HPSE2: variants seen among roughly 807,000 people sequenced by gnomAD.
HPSE2 encodes inactive heparanase-2.
Under a neutral mutation model 60.5 loss-of-function variants are expected in HPSE2, and 38 were observed. The observed-to-expected ratio is 0.63, with a 90% CI of 0.48 to 0.82. The LOEUF (loss-of-function observed/expected upper bound fraction) is 0.82. Ranked by LOEUF, HPSE2 falls within the 40% of genes least tolerant of loss-of-function variation. The pLI is 0.00. For synonymous variants in HPSE2, 295 were observed against 293.2 expected (o/e 1.01, Z -0.06); for missense variants, 713 against 740.4 (o/e 0.96, Z 0.43).
At chr10:98,629,545 G>A (rs747909506) in intron 7 of HPSE2, among the ~76,000 whole-genome samples, 42 of 152,284 alleles carry the variant, frequency 2.8e-4, no homozygotes, top group African/African-American at 9.6e-4. Flanking sequence ...CATTAGAGCA[G>A]AGGATATTGA....
At chr10:98,682,429 C>T (rs7071444) in intron 6 of HPSE2, among the ~76,000 whole-genome samples, 294 of 152,258 alleles carry the variant, frequency 1.9e-3, no homozygotes, top group African/African-American at 6.6e-3. Context: ...AAACACACAA[C>T]CAAACATCAT....
chr10:98,993,756 C>T (rs943082833), intron 3 of HPSE2, among the ~76,000 whole-genome samples: 4 of 152,122 alleles, frequency 2.6e-5, no homozygotes, highest in South Asian at 2.1e-4. Flanking sequence ...CACTTCCAAT[C>T]TGTATAAATT....
At chr10:99,136,644 T>G (rs1315726903) in intron 3 of HPSE2, among the ~76,000 whole-genome samples, 2 of 152,106 alleles carry the variant, frequency 1.3e-5, no homozygotes, top group Non-Finnish European at 2.9e-5. Flanking sequence ...AAAAACCACA[T>G]GATTATCTCA....
intron 3 of HPSE2, among the ~76,000 whole-genome samples, chr10:98,940,887 A>G (rs76930505): frequency 0.95 from 112,887 of 119,312 alleles, 53,362 homozygotes; most frequent in Admixed American, 0.96. Flanking sequence ...TATCCACCAT[A>G]ATCAAGTGGG....
intron 9 of HPSE2, among the ~76,000 whole-genome samples, chr10:98,529,753 T>C (rs978544787): frequency 1.3e-5 from 2 of 152,186 alleles, no homozygotes; most frequent in Admixed American, 1.3e-4. Context: ...CCACCAAATC[T>C]ATGCATGATT....
chr10:98,990,841 C>T (rs546762539), intron 3 of HPSE2, among the ~76,000 whole-genome samples: 2 of 152,160 alleles, frequency 1.3e-5, no homozygotes, highest in Non-Finnish European at 2.9e-5. Context: ...CTCCATTCTT[C>T]TGCAATCATT....
At position 98,911,512 on chromosome 10, in the gene HPSE2, G is replaced by GT. The variant is rs543292896; in HGVS notation, c.611-167457dup. On this transcript the variant is annotated intron_variant, in intron 3 of 11. Transcript: ENST00000370552. Reference sequence around the variant, plus strand: ...AGGGCAGGTATGGAGTGTGTTCTAGGTAACTGAAATAGCACAGAGACATTA... The same window carrying GT: ...AGGGCAGGTATGGAGTGTGTTCTAGGTTAACTGAAATAGCACAGAGACATTA... Among the ~76,000 whole-genome samples the GT allele has an allele frequency of 1.9e-3, 285 of 152,236 alleles. 1 individual carries two copies. The highest frequency in any genetic ancestry group is 3.9e-3 in the Admixed American group (59 of 15,294).
intron 9 of HPSE2, among the ~76,000 whole-genome samples, chr10:98,587,497 C>G (rs1213928834): frequency 1.3e-5 from 2 of 152,190 alleles, no homozygotes; most frequent in African/African-American, 2.4e-5. Flanking sequence ...AGAGGCAAGA[C>G]ACTTAGGGCC....
At chr10:99,156,764 G>C (rs1408903499) in intron 2 of HPSE2, among the ~76,000 whole-genome samples, 2 of 127,012 alleles carry the variant, frequency 1.6e-5, no homozygotes, top group African/African-American at 2.6e-5. Flanking sequence ...AATTAGGCAG[G>C]AGAAGGAAAT....
At chr10:98,958,515 T>C (rs1208312040) in intron 3 of HPSE2, among the ~76,000 whole-genome samples, 1 of 152,152 alleles carries the variant, frequency 6.6e-6, no homozygotes, top group Non-Finnish European at 1.5e-5. Context: ...TGCTAAACAA[T>C]TAGCACATAT....
chr10:99,250,298 C>T, the HPSE2 span, among the ~76,000 whole-genome samples: 3 of 152,042 alleles, frequency 2.0e-5, no homozygotes, highest in Non-Finnish European at 4.4e-5. Context: ...GAACTGTGAG[C>T]CAGCTAAACC....
At chr10:98,900,705 T>C (rs1953642449) in intron 3 of HPSE2, among the ~76,000 whole-genome samples, 1 of 152,120 alleles carries the variant, frequency 6.6e-6, no homozygotes, top group Non-Finnish European at 1.5e-5. Context: ...ATACTAAATA[T>C]TGATAATATT....
intron 6 of HPSE2, among the ~76,000 whole-genome samples, chr10:98,669,920 G>A (rs1812102809): frequency 6.6e-6 from 1 of 152,166 alleles, no homozygotes; most frequent in Non-Finnish European, 1.5e-5. Context: ...TTACAAAGAG[G>A]GTTGAGATGG....
chr10:99,112,483 G>A lies in HPSE2; in HGVS notation c.610+31755C>T, dbSNP rs1217391656. ...TTTTTGTATTTTTAGTAGAGACGGG[G>A]TTTCACCATGTGAGCCAGGATGGTC... On this transcript the variant is annotated intron_variant, in intron 3 of 11. Coordinates refer to ENST00000370552, the MANE Select transcript of HPSE2 (RefSeq NM_021828.5). Among the ~76,000 whole-genome samples the A allele has an allele frequency of 7.2e-4, 109 of 151,530 alleles. 1 individual carries two copies. The highest frequency in any genetic ancestry group is 7.2e-3 in the Admixed American group (109 of 15,170).
chr10:98,924,110 G>C (rs1954373135), intron 3 of HPSE2, among the ~76,000 whole-genome samples: 2 of 152,170 alleles, frequency 1.3e-5, no homozygotes, highest in South Asian at 4.1e-4. Flanking sequence ...GGTGGGTTTT[G>C]TACACTCATA....
intron 3 of HPSE2, among the ~76,000 whole-genome samples, chr10:99,093,072 C>T (rs1316949742): frequency 6.6e-6 from 1 of 152,000 alleles, no homozygotes; most frequent in Non-Finnish European, 1.5e-5. Context: ...TACTAAAATA[C>T]AAAAAATTAA....
chr10:98,493,217 C>T (rs1046516153), intron 9 of HPSE2, among the ~76,000 whole-genome samples: 2 of 152,160 alleles, frequency 1.3e-5, no homozygotes, highest in Non-Finnish European at 1.5e-5. Flanking sequence ...AATTTGCAGC[C>T]TAACACATGG....
In HPSE2 at chr10:99,025,838, C is replaced by T. The variant is rs560840251; in HGVS notation, c.610+118400G>A. ...AAAAACCCTTGTGACATGTATTTAC[C>T]TATGTAACAAACCTTCACATGTAGC... On this transcript the variant is annotated intron_variant, in intron 3 of 11. Coordinates refer to ENST00000370552, the MANE Select transcript of HPSE2 (RefSeq NM_021828.5). Among the ~76,000 whole-genome samples the T allele has an allele frequency of 9.5e-4, 144 of 151,750 alleles. No individual in the cohort carries two copies. In the Middle Eastern group the frequency reaches 0.01, roughly 11 times the overall value.
intron 3 of HPSE2, among the ~76,000 whole-genome samples, chr10:99,043,586 A>C (rs1307603331): frequency 6.6e-6 from 1 of 152,224 alleles, no homozygotes. Flanking sequence ...GCTCATCAAG[A>C]TTCAGGAGAA....
Sources: allele counts gnomAD v4.1 joint callset (sites outside exome capture counted in the v4.1 genomes callset), GRCh38; gene constraint gnomAD v4.1.1; transcripts MANE v1.5; gene names NCBI Gene and HGNC (gene_info 2026-07-23, HGNC 2026-07-21).